The following SEPTIN11 variants were observed in gnomAD, a reference collection of about 807,000 sequenced individuals.
The protein encoded by SEPTIN11 is septin 11, also known as septin-11.
Under a neutral mutation model 51.4 loss-of-function variants are expected in SEPTIN11, and 25 were observed. That is an observed-to-expected ratio of 0.49 (90% CI 0.35 to 0.68). The LOEUF (loss-of-function observed/expected upper bound fraction) is 0.68, where lower values mean the gene tolerates loss of function less well. Ranked by LOEUF, SEPTIN11 falls within the 30% of genes least tolerant of loss-of-function variation. The pLI is 0.00. For missense variants in SEPTIN11, 381 were observed against 520.8 expected (o/e 0.73, Z 2.61); for synonymous variants, 174 against 184.1 (o/e 0.95, Z 0.44).
chr4:77,002,006 C>G (rs1389134771), intron 2 of SEPTIN11, among the ~76,000 whole-genome samples: 1 of 152,168 alleles, frequency 6.6e-6, no homozygotes, highest in Non-Finnish European at 1.5e-5. Context: ...TGAAAAACTT[C>G]CCTAGTTCTT....
intron 1 of SEPTIN11, among the ~76,000 whole-genome samples, chr4:76,989,023 G>A (rs541933985): frequency 1.1e-4 from 17 of 152,264 alleles, no homozygotes; most frequent in African/African-American, 3.6e-4. Context: ...GCAAAATGAC[G>A]GAATTGGATT....
Position 77,005,667 on chromosome 4 carries a change from C to T in SEPTIN11, c.209C>T (p.Pro70Leu). 1 of 1,614,020 alleles carries T rather than the reference C, an allele frequency of 6.2e-7. No individual in the cohort carries two copies. Among genetic ancestry groups the T allele is most frequent in the Non-Finnish European group, 8.5e-7 (1 of 1,179,960 alleles). ...TTCAACACCAAATTTGAAAGTGACC[C>T]AGCTACTCACAATGAACCAGGTGTT... ...TLFNTKFESD[P>L]ATHNEPGVRL... Residue 70 changes from proline to leucine, a missense_variant, in exon 3 of 10, where the codon CCA (proline) becomes CTA (leucine). Coordinates refer to ENST00000264893, the MANE Select transcript of SEPTIN11 (RefSeq NM_018243.4).
intron 1 of SEPTIN11, among the ~76,000 whole-genome samples, chr4:76,959,947 T>A (rs1721757709): frequency 6.6e-6 from 1 of 152,182 alleles, no homozygotes; most frequent in African/African-American, 2.4e-5. Context: ...CACATCAGGG[T>A]AAATGGGGTG....
At chr4:76,986,624 G>A (rs1723048107) in intron 1 of SEPTIN11, among the ~76,000 whole-genome samples, 1 of 152,186 alleles carries the variant, frequency 6.6e-6, no homozygotes, top group Non-Finnish European at 1.5e-5. Flanking sequence ...GACTTCACAT[G>A]TTGGGCACCT....
In SEPTIN11 at chr4:77,024,732, C is replaced by G. The variant is rs762482473; in HGVS notation, c.954-3897C>G. Among the ~76,000 whole-genome samples, 1 of 152,182 alleles carries G rather than the reference C, an allele frequency of 6.6e-6. No individual in the cohort carries two copies. The highest frequency in any genetic ancestry group is 1.5e-5 in the Non-Finnish European group (1 of 68,020). ...GCCTCTGTACACCAGCCATGCAGTG[C>G]AGGAGATGGAGTTCTTATCTGAGCA... is the stretch of plus-strand genomic sequence containing the variant. On this transcript the variant is annotated intron_variant, in intron 7 of 9. Transcript: ENST00000264893. This position sits in a 1 kb window ranked among gnomAD's most constrained non-coding sequence, Gnocchi z 4.2.
In SEPTIN11 at chr4:76,985,543, G is replaced by A. The variant is rs143976551; in HGVS notation, c.28-10882G>A. ...TGAAACTCTAGTCCCAGGTAAACCT[G>A]GGTAGGCTGTAGAGACAGAAAGGGG... is the stretch of plus-strand genomic sequence containing the variant. On this transcript the variant is annotated intron_variant, in intron 1 of 9. Coordinates refer to ENST00000264893, the MANE Select transcript of SEPTIN11 (RefSeq NM_018243.4). Among the ~76,000 whole-genome samples the A allele has an allele frequency of 7.1e-3, 1,081 of 152,268 alleles. 20 individuals carry two copies. The highest frequency in any genetic ancestry group is 0.024 in the African/African-American group (1,017 of 41,534).
chr4:76,970,854 T>G (rs1346380361), intron 1 of SEPTIN11, among the ~76,000 whole-genome samples: 1 of 152,234 alleles, frequency 6.6e-6, no homozygotes, highest in East Asian at 1.9e-4. Flanking sequence ...TAGGATTGAC[T>G]CCTGAAGCTG....
At chr4:76,994,615 T>C (rs1723563701) in intron 1 of SEPTIN11, among the ~76,000 whole-genome samples, 1 of 152,216 alleles carries the variant, frequency 6.6e-6, no homozygotes, top group Non-Finnish European at 1.5e-5. Context: ...GCTGCCACCA[T>C]GGTATTCAGG....
chr4:77,026,869 G>A (rs1267967452), intron 7 of SEPTIN11, among the ~76,000 whole-genome samples: 3 of 152,144 alleles, frequency 2.0e-5, no homozygotes, highest in Non-Finnish European at 4.4e-5. Flanking sequence ...TTATTTTATA[G>A]TTCTGTTATG....
At chr4:76,969,322 G>C (rs567002744) in intron 1 of SEPTIN11, among the ~76,000 whole-genome samples, 34 of 152,248 alleles carry the variant, frequency 2.2e-4, no homozygotes, top group African/African-American at 7.5e-4. Flanking sequence ...CCAGAGACCA[G>C]TATTGAACTT....
chr4:76,961,893 T>G (rs1260024523), intron 1 of SEPTIN11, among the ~76,000 whole-genome samples: 1 of 152,238 alleles, frequency 6.6e-6, no homozygotes, highest in South Asian at 2.1e-4. Flanking sequence ...GGTCAGTAGT[T>G]TGTTTTCAAA....
intron 1 of SEPTIN11, among the ~76,000 whole-genome samples, chr4:76,980,877 G>T (rs548087988): frequency 1.3e-5 from 2 of 152,062 alleles, no homozygotes; most frequent in Non-Finnish European, 2.9e-5. Flanking sequence ...CCTACAGATC[G>T]TATGGATTAC....
intron 2 of SEPTIN11, among the ~76,000 whole-genome samples, chr4:76,997,087 G>C (rs1461679188): frequency 1.3e-5 from 2 of 152,114 alleles, no homozygotes; most frequent in Non-Finnish European, 2.9e-5. Flanking sequence ...GAGGAAGGTG[G>C]AAAGGAAGGG....
chr4:77,033,158 A>G (rs1726784979), intron 9 of SEPTIN11, among the ~76,000 whole-genome samples: 1 of 146,074 alleles, frequency 6.8e-6, no homozygotes, highest in South Asian at 2.1e-4. Context: ...GAAATGTCCA[A>G]GAAAAAAAAA....
intron 1 of SEPTIN11, among the ~76,000 whole-genome samples, chr4:76,953,392 A>G (rs1176744129): frequency 6.6e-6 from 1 of 152,264 alleles, no homozygotes; most frequent in Admixed American, 6.5e-5. Flanking sequence ...CTCAGCAAAT[A>G]TGATTCAGGT....
At chr4:76,994,712 T>C (rs987756487) in intron 1 of SEPTIN11, among the ~76,000 whole-genome samples, 1 of 152,160 alleles carries the variant, frequency 6.6e-6, no homozygotes, top group African/African-American at 2.4e-5. Context: ...AATAAAACCA[T>C]TGAAGTCCTT....
chr4:77,038,436 CTAAAG>C lies in SEPTIN11; in HGVS notation c.*3928_*3932del. 1 of 985,474 alleles carries C rather than the reference CTAAAG, an allele frequency of 1.0e-6. No homozygotes were observed. The highest frequency in any genetic ancestry group is 4.7e-5 in the South Asian group (1 of 21,276). 61.0% of individuals were successfully genotyped at this position (985,474 alleles called of 1,614,324 possible). Reference sequence around the variant, plus strand: ...ATGTTAGACATTTGTCTTTTTTAAACTAAAGTAATTGTATTGATGTGAAGCATATC... The same window carrying C: ...ATGTTAGACATTTGTCTTTTTTAAACTAATTGTATTGATGTGAAGCATATC... On this transcript the variant is annotated 3_prime_UTR_variant, in exon 10 of 10. Transcript: ENST00000264893.
At chr4:76,963,351 A>C (rs1044783486) in intron 1 of SEPTIN11, among the ~76,000 whole-genome samples, 17 of 152,228 alleles carry the variant, frequency 1.1e-4, no homozygotes, top group African/African-American at 3.9e-4. Flanking sequence ...TGATCTTCAC[A>C]ACAACTTTGT....
At chr4:76,973,109 T>C (rs1722319439) in intron 1 of SEPTIN11, 1 of 152,214 alleles carries the variant, frequency 6.6e-6, no homozygotes. Flanking sequence ...TGTTATGCTT[T>C]AAATCAAGTA....
Sources: allele counts gnomAD v4.1 joint callset (sites outside exome capture counted in the v4.1 genomes callset), GRCh38; gene constraint gnomAD v4.1.1; non-coding constraint Gnocchi (gnomAD v3.1); transcripts MANE v1.5; gene names NCBI Gene and HGNC (gene_info 2026-07-23, HGNC 2026-07-21).